Variants in PREX1 observed in about 807,000 individuals in gnomAD.
PREX1 encodes the protein phosphatidylinositol 3,4,5-trisphosphate-dependent Rac exchanger 1 protein.
Under a neutral mutation model 198.3 loss-of-function variants are expected in PREX1, and 41 were observed. The ratio of observed to expected loss-of-function variants is 0.21; its 90% confidence interval spans 0.16 to 0.27. The LOEUF (loss-of-function observed/expected upper bound fraction) is 0.27, where lower values mean the gene tolerates loss of function less well. Among genes scored for constraint, PREX1 ranks in the 10% least tolerant of loss-of-function variants. The probability of loss-of-function intolerance (pLI) is 1.00; values close to 1 mark genes in which losing one functional copy is unlikely to be tolerated. For missense variants in PREX1, 1,620 were observed against 2,200.7 expected (o/e 0.74, Z 5.28); for synonymous variants, 843 against 887.2 (o/e 0.95, Z 0.89).
chr20:48,859,913 G>C, the PREX1 span, among the ~76,000 whole-genome samples: 2 of 152,220 alleles, frequency 1.3e-5, no homozygotes, highest in African/African-American at 4.8e-5. Context: ...AGCTACTTAA[G>C]AGGCTGAGGC....
chr20:48,885,944 T>G, the PREX1 span, among the ~76,000 whole-genome samples: 1 of 152,240 alleles, frequency 6.6e-6, no homozygotes, highest in African/African-American at 2.4e-5. Context: ...AGAGGATTTT[T>G]AAGGCAGTGA....
intron 1 of PREX1, among the ~76,000 whole-genome samples, chr20:48,793,923 T>C (rs914552240): frequency 6.6e-6 from 1 of 152,158 alleles, no homozygotes; most frequent in Non-Finnish European, 1.5e-5. Context: ...CATGGCTGGC[T>C]CAGATGTCAA....
At chr20:48,658,370 A>T in intron 16 of PREX1, 142 bp from the exon 17 acceptor site, 1 of 742,836 alleles carries the variant, frequency 1.3e-6, no homozygotes, top group Non-Finnish European at 2.2e-6. Flanking sequence ...ACAGAGCAAA[A>T]CGCAAACAGC....
chr20:48,634,820 G>A (rs372460688), intron 32 of PREX1, 45 bp from the exon 33 acceptor site: 138 of 1,548,574 alleles, frequency 8.9e-5, no homozygotes, highest in Admixed American at 7.0e-4. Flanking sequence ...TGCCAACCCT[G>A]CCCCAGGGTT....
At chr20:48,820,334 C>T (rs917904330) in intron 1 of PREX1, among the ~76,000 whole-genome samples, 2 of 152,148 alleles carry the variant, frequency 1.3e-5, no homozygotes, top group African/African-American at 4.8e-5. Flanking sequence ...TGGGGTCATC[C>T]CCATTTTGCA....
intron 7 of PREX1, among the ~76,000 whole-genome samples, chr20:48,699,242 T>C (rs555991706): frequency 2.2e-4 from 34 of 152,272 alleles, no homozygotes; most frequent in African/African-American, 7.9e-4. Flanking sequence ...ATGCTGAAAG[T>C]AGGGCCTAAG....
At chr20:48,868,990 C>A in the PREX1 span, among the ~76,000 whole-genome samples, 1 of 151,970 alleles carries the variant, frequency 6.6e-6, no homozygotes, top group Non-Finnish European at 1.5e-5. Flanking sequence ...AATCCTCTCA[C>A]CTCAGCCTCC....
chr20:48,700,923 C>G, intron 6 of PREX1, 37 bp from the exon 7 acceptor site: 1 of 1,612,132 alleles, frequency 6.2e-7, no homozygotes, highest in Non-Finnish European at 8.5e-7. Context: ...ATGAGCCAAC[C>G]CAGGAACATC....
intron 14 of PREX1, among the ~76,000 whole-genome samples, chr20:48,673,804 T>C (rs1051268202): frequency 6.6e-6 from 1 of 152,210 alleles, no homozygotes; most frequent in Non-Finnish European, 1.5e-5. Flanking sequence ...GAATCTTTTG[T>C]GAAAGAGATG....
rs1376653888 is a variant in PREX1 at position 48,625,856 on chromosome 20, CCGCGG to C, written c.*24_*28del. ...TCCTCCCAAATCCCAGCTCCAGAGG[CCGCGG>C]CCCAGCGTGGGGCATTTGGGTGTTC... On this transcript the variant is annotated 3_prime_UTR_variant, in exon 40 of 40. Coordinates refer to ENST00000371941, the MANE Select transcript of PREX1 (RefSeq NM_020820.4). 1 of 1,547,394 alleles carries C rather than the reference CCGCGG, an allele frequency of 6.5e-7. No homozygotes were observed. The highest frequency in any genetic ancestry group is 8.7e-7 in the Non-Finnish European group (1 of 1,145,762).
At chr20:48,840,669 A>G in the PREX1 span, among the ~76,000 whole-genome samples, 1 of 152,226 alleles carries the variant, frequency 6.6e-6, no homozygotes, top group Non-Finnish European at 1.5e-5. Flanking sequence ...CCAAGGGGTC[A>G]TTGCTAGATC....
intron 10 of PREX1, among the ~76,000 whole-genome samples, 187 bp from the exon 11 acceptor site, chr20:48,681,522 G>A (rs1226506295): frequency 6.6e-6 from 1 of 152,194 alleles, no homozygotes; most frequent in Non-Finnish European, 1.5e-5. Flanking sequence ...ACCAATAGCA[G>A]AGAGGAGAGT....
Position 48,827,602 on chromosome 20 carries a change from T to C in PREX1, c.219+40A>G. On this transcript the variant is annotated intron_variant, in intron 1 of 39. Coordinates refer to ENST00000371941, the MANE Select transcript of PREX1 (RefSeq NM_020820.4). This position sits in a 1 kb window ranked among gnomAD's most constrained non-coding sequence, Gnocchi z 4.1. ...TGGGGACCGCAGCGGGGCGAGCGGC[T>C]GGAGGGAAAGCTGTCCCCAAGCTCC... The C allele has an allele frequency of 8.2e-7, 1 of 1,218,430 alleles. No individual in the cohort carries two copies. The highest frequency in any genetic ancestry group is 1.0e-6 in the Non-Finnish European group (1 of 962,364). 75.5% of individuals were successfully genotyped at this position (1,218,430 alleles called of 1,614,324 possible). A position where few individuals can be genotyped will look rare whatever the true frequency, so the allele number is the denominator to read the frequency against.
chr20:48,705,302 T>C (rs1469712317), intron 6 of PREX1, among the ~76,000 whole-genome samples: 2 of 152,280 alleles, frequency 1.3e-5, no homozygotes, highest in African/African-American at 4.8e-5. Flanking sequence ...TTCACTTATC[T>C]GGTTTTATCT....
chr20:48,642,096 G>A (rs1247364489), intron 29 of PREX1, 72 bp downstream of exon 29: 5 of 1,485,398 alleles, frequency 3.4e-6, no homozygotes, highest in African/African-American at 1.4e-5. Context: ...CTGAGCATTA[G>A]CCCGGGTACG....
At chr20:48,776,606 G>C (rs1156763946) in intron 1 of PREX1, among the ~76,000 whole-genome samples, 1 of 152,198 alleles carries the variant, frequency 6.6e-6, no homozygotes, top group African/African-American at 2.4e-5. Flanking sequence ...CTGAATTCCA[G>C]AACACTGCTT....
At chr20:48,752,312 G>A (rs1272916673) in intron 1 of PREX1, among the ~76,000 whole-genome samples, 2 of 152,194 alleles carry the variant, frequency 1.3e-5, no homozygotes, top group African/African-American at 4.8e-5. Context: ...ATATTGTTTT[G>A]CATGTTCACA....
At chr20:48,658,967 G>A (rs1015645612) in intron 16 of PREX1, among the ~76,000 whole-genome samples, 12 of 151,954 alleles carry the variant, frequency 7.9e-5, no homozygotes, top group African/African-American at 2.7e-4. Context: ...AATGGCTCAC[G>A]CTTGTAATCC....
rs562350307 is a variant in PREX1 at position 48,723,906 on chromosome 20, T to G, written c.621+2384A>C. Among the ~76,000 whole-genome samples the G allele has an allele frequency of 3.0e-4, 45 of 152,294 alleles. No individual in the cohort carries two copies. The South Asian group carries it at 3.3e-3, about 11-fold the overall frequency. ...ATGTCACGGAAGCTGCAGCTCCAAG[T>G]GCCTGCTGGAACCCAGACTTTCGCA... On this transcript the variant is annotated intron_variant, in intron 5 of 39. Transcript: ENST00000371941.
Sources: gnomAD v4.1 joint callset for allele counts (sites outside exome capture counted in the v4.1 genomes callset) on GRCh38, gnomAD v4.1.1 for gene constraint, Gnocchi (gnomAD v3.1) non-coding constraint, MANE v1.5 for transcripts, NCBI Gene and HGNC (gene_info 2026-07-23, HGNC 2026-07-21) for gene names.